Variants in ANK1 observed in about 807,000 individuals in gnomAD.
ANK1 encodes the protein ankyrin 1.
ANK1 carries 51 observed loss-of-function variants against 210.4 expected under a neutral mutation model. The observed-to-expected ratio is 0.24, with a 90% CI of 0.19 to 0.31. The LOEUF (loss-of-function observed/expected upper bound fraction) is 0.31, where lower values mean the gene tolerates loss of function less well. Among genes scored for constraint, ANK1 ranks in the 10% least tolerant of loss-of-function variants. The pLI, the probability that ANK1 is intolerant of heterozygous loss-of-function variation, is 1.00. For synonymous variants in ANK1, 967 were observed against 1,025.9 expected, an observed-to-expected ratio of 0.94 and a Z score of 1.10; for missense variants, 2,051 against 2,504.4, an observed-to-expected ratio of 0.82 and a Z score of 3.86.
At chr8:41,758,990 G>A (rs890702258) in intron 1 of ANK1, among the ~76,000 whole-genome samples, 35 of 151,656 alleles carry the variant, frequency 2.3e-4, no homozygotes, top group African/African-American at 8.2e-4. Context: ...CCCGGCCTCT[G>A]AAAGTGCTGG....
At chr8:41,780,805 T>C (rs1182672138) in intron 1 of ANK1, among the ~76,000 whole-genome samples, 2 of 152,186 alleles carry the variant, frequency 1.3e-5, no homozygotes, top group East Asian at 1.9e-4. Context: ...TGTGTGTGTA[T>C]GTATCTGTGC....
chr8:41,850,641 C>A (rs1402296745), intron 1 of ANK1, among the ~76,000 whole-genome samples: 1 of 152,120 alleles, frequency 6.6e-6, no homozygotes. Flanking sequence ...CCACCACACC[C>A]AGATAATTTT....
intron 38 of ANK1, among the ~76,000 whole-genome samples, chr8:41,669,306 T>C (rs1811503657): frequency 6.6e-6 from 1 of 151,918 alleles, no homozygotes; most frequent in African/African-American, 2.4e-5. Flanking sequence ...TACTTTGTTG[T>C]TGTTTTCTGA....
rs1386347317 is a variant in ANK1, at chr8:41,725,846, G to C, written c.527C>G (p.Ala176Gly). 1 of 1,611,838 alleles carries C rather than the reference G, an allele frequency of 6.2e-7. No homozygotes were observed. The highest frequency in any genetic ancestry group is 1.3e-5 in the African/African-American group (1 of 74,908). Residue 176 changes from alanine to glycine, a missense_variant, in exon 6 of 43, where the codon GCC (alanine) becomes GGC (glycine). Transcript: ENST00000289734. ...YGTKGKVRLP[A>G]LHIAARNDDT... The stretch of plus-strand genomic sequence containing the variant: ...GTCGTTGCGGGCCGCGATGTGCAGG[G>C]CCGGGAGGCGCACCTTCCCCTTGGT...
intron 1 of ANK1, among the ~76,000 whole-genome samples, chr8:41,763,878 TTTC>T (rs1841049030): frequency 8.4e-6 from 1 of 119,510 alleles, no homozygotes; most frequent in East Asian, 2.5e-4. Context: ...TCTTTCTTTT[TTTC>T]TTTTTTTCTT....
chr8:41,888,557 C>T (rs1017048478), intron 1 of ANK1, among the ~76,000 whole-genome samples: 4 of 152,230 alleles, frequency 2.6e-5, no homozygotes, highest in African/African-American at 4.8e-5. Flanking sequence ...GAAGCATCCA[C>T]ATAAAAAGCT....
intron 2 of ANK1, among the ~76,000 whole-genome samples, chr8:41,753,060 C>CTT (rs761060485): frequency 1.0e-3 from 111 of 106,598 alleles, no homozygotes; most frequent in South Asian, 7.7e-3. Context: ...GCCGCAGGCT[C>CTT]TTTTTTTTTT....
chr8:41,656,084 G>C (rs1278305787), intron 42 of ANK1, among the ~76,000 whole-genome samples: 1 of 152,278 alleles, frequency 6.6e-6, no homozygotes, highest in East Asian at 1.9e-4. Flanking sequence ...GAGAGGGGCA[G>C]AGGCCCCCGT....
chr8:41,738,597 C>T (rs1833984239), intron 2 of ANK1, among the ~76,000 whole-genome samples: 1 of 152,106 alleles, frequency 6.6e-6, no homozygotes, highest in Non-Finnish European at 1.5e-5. Context: ...TTTCATTGCT[C>T]AAATGAGAAG....
At chr8:41,659,931 C>G (rs1316773321) in intron 42 of ANK1, among the ~76,000 whole-genome samples, 1 of 152,140 alleles carries the variant, frequency 6.6e-6, no homozygotes, top group African/African-American at 2.4e-5. Flanking sequence ...CTGCCTCTCT[C>G]CCACTCAGGA....
chr8:41,668,120 C>G (rs898890321), intron 39 of ANK1, 147 bp downstream of exon 39: 21 of 1,206,776 alleles, frequency 1.7e-5, no homozygotes, highest in Non-Finnish European at 2.5e-5. Flanking sequence ...CCCTTGACTT[C>G]TAGAGAAACG....
chr8:41,761,587 G>A (rs962697720), intron 1 of ANK1, among the ~76,000 whole-genome samples: 4 of 152,196 alleles, frequency 2.6e-5, no homozygotes, highest in Non-Finnish European at 5.9e-5. Context: ...CAGACAGCGA[G>A]AGAACACATT....
intron 5 of ANK1, among the ~76,000 whole-genome samples, chr8:41,726,364 A>G (rs945560618): frequency 3.9e-5 from 6 of 152,280 alleles, no homozygotes; most frequent in African/African-American, 1.4e-4. Flanking sequence ...CCAGGCCCTG[A>G]TAATTCAATT....
In ANK1 at chr8:41,797,092, C is replaced by A. The variant is rs1304228152; in HGVS notation, c.27+420G>T. ...TCCCCTTCCAAATGACAGTGACAGC[C>A]CCCTAGCCGGGTGGCCCACCCCGCA... On this transcript the variant is annotated intron_variant, in intron 1 of 42. Transcript: ENST00000289734. The surrounding 1 kb of genome is among the most constrained non-coding windows in gnomAD (Gnocchi z 4.0). Among the ~76,000 whole-genome samples, 1 of 152,186 alleles carries A rather than the reference C, an allele frequency of 6.6e-6. No homozygotes were observed. The highest frequency in any genetic ancestry group is 2.4e-5 in the African/African-American group (1 of 41,438).
intron 2 of ANK1, among the ~76,000 whole-genome samples, chr8:41,754,502 A>G (rs1221516580): frequency 6.6e-6 from 1 of 152,176 alleles, no homozygotes; most frequent in Admixed American, 6.5e-5. Flanking sequence ...CATTCTTTCC[A>G]CAAAAACATA....
chr8:41,723,630 C>G lies in ANK1; in HGVS notation c.715G>C (p.Gly239Arg). ...GAGGCGATGTGCAGTGGCGTGATGC[C>G]GTTCTGAAGGGAGGAAGCAGGACGG... ...GASVNFTPQN[G>R]ITPLHIASRR... Residue 239 changes from glycine to arginine, a missense_variant, in exon 8 of 43, where the codon GGC becomes CGC. Gly to Arg is a moderately radical substitution (Grantham distance 125, BLOSUM62 -2). Transcript: ENST00000289734. The G allele has an allele frequency of 6.2e-7, 1 of 1,612,844 alleles. No homozygotes were observed. The highest frequency in any genetic ancestry group is 8.5e-7 in the Non-Finnish European group (1 of 1,179,916).
At position 41,724,544 on chromosome 8, in the gene ANK1, G is replaced by A. The variant is rs867670798; in HGVS notation, c.623C>T (p.Thr208Met). The A allele has an allele frequency of 4.4e-6, 7 of 1,593,694 alleles. No individual in the cohort carries two copies. Among genetic ancestry groups the A allele is most frequent in the Non-Finnish European group, 6.0e-6 (7 of 1,169,746 alleles). Residue 208 changes from threonine (T) to methionine (M), a missense_variant, in exon 7 of 43, where the codon ACG (threonine) becomes ATG (methionine). Physicochemically the swap from Thr to Met is moderately conservative, Grantham distance 81 (BLOSUM62 -1). Transcript: ENST00000289734. The stretch of plus-strand genomic sequence containing the variant: ...GTAGTGAGCCGCAATGTGCAGGGGC[G>A]TGAATCCCGTCTGGGGCACAACAGA... ...NPDVLSKTGF[T>M]PLHIAAHYEN...
Position 41,693,980 on chromosome 8 carries a change from T to G in ANK1, c.3450A>C (p.Pro1150=). ...KFHRPIGLRI[P]LPPSWTDNPR... is the part of the protein sequence containing the mutation. The stretch of plus-strand genomic sequence containing the variant: ...GGTTGTCGGTCCAGGAAGGAGGTAG[T>G]GGGATCCGAAGCCCAATGGGGCGGT... Residue 1150 remains proline, a synonymous_variant, in exon 29 of 43, where the codon CCA becomes CCC. Coordinates refer to ENST00000289734, the MANE Select transcript of ANK1 (RefSeq NM_000037.4). 2 of 1,614,020 alleles carry G rather than the reference T, an allele frequency of 1.2e-6. No individual in the cohort carries two copies. Among genetic ancestry groups the G allele is most frequent in the Non-Finnish European group, 1.7e-6 (2 of 1,179,990 alleles).
chr8:41,711,017 A>T (rs1039764021), intron 16 of ANK1, among the ~76,000 whole-genome samples: 1 of 152,230 alleles, frequency 6.6e-6, no homozygotes, highest in Non-Finnish European at 1.5e-5. Flanking sequence ...TTTTAATTTG[A>T]TTATGTTATG....
Sources: gnomAD v4.1 joint callset for allele counts (sites outside exome capture counted in the v4.1 genomes callset) on GRCh38, gnomAD v4.1.1 for gene constraint, Gnocchi (gnomAD v3.1) non-coding constraint, MANE v1.5 for transcripts, NCBI Gene and HGNC (gene_info 2026-07-23, HGNC 2026-07-21) for gene names.